The following MAPDA variants were observed in gnomAD, a reference collection of about 807,000 sequenced individuals.
MAPDA encodes the protein N6-Methyl-AMP deaminase.
At chr15:43,344,008 T>C in the MAPDA span, among the ~76,000 whole-genome samples, 1 of 151,942 alleles carries the variant, frequency 6.6e-6, no homozygotes, top group Non-Finnish European at 1.5e-5. Flanking sequence ...TTCAGTAGGC[T>C]AAAAAAAGTA....
chr15:43,351,830 C>T, the MAPDA span: 1 of 1,551,680 alleles, frequency 6.4e-7, no homozygotes, highest in Non-Finnish European at 8.7e-7. Flanking sequence ...TTGACCCAGT[C>T]TCAGGTGTGG....
chr15:43,344,996 T>C, the MAPDA span, among the ~76,000 whole-genome samples: 1 of 152,060 alleles, frequency 6.6e-6, no homozygotes, highest in African/African-American at 2.4e-5. Context: ...CACCACCAGT[T>C]TACTCTTGCC....
At chr15:43,338,146 A>G in the MAPDA span, among the ~76,000 whole-genome samples, 1 of 152,264 alleles carries the variant, frequency 6.6e-6, no homozygotes, top group Admixed American at 6.5e-5. Context: ...TCATTTCAAA[A>G]TGAAAGTTGA....
chr15:43,350,954 C>T, the MAPDA span: 1 of 1,551,374 alleles, frequency 6.4e-7, no homozygotes, highest in Admixed American at 2.0e-5. Flanking sequence ...TCTGTTTGAC[C>T]TCAAACGTCA....
the MAPDA span, chr15:43,351,858 C>T: frequency 1.3e-6 from 2 of 1,551,612 alleles, no homozygotes; most frequent in Non-Finnish European, 1.7e-6. Flanking sequence ...CTTATGAATC[C>T]ATCAACTACA....
chr15:43,330,482 G>C, the MAPDA span: 2 of 1,521,266 alleles, frequency 1.3e-6, no homozygotes, highest in Non-Finnish European at 1.8e-6. Flanking sequence ...ACGGCTCCGG[G>C]GGCCCATGGC....
At chr15:43,336,921 A>T in the MAPDA span, among the ~76,000 whole-genome samples, 1 of 152,220 alleles carries the variant, frequency 6.6e-6, no homozygotes, top group South Asian at 2.1e-4. Context: ...TATAGGATAG[A>T]GGATGATATG....
chr15:43,340,210 A>C, the MAPDA span: 6 of 1,504,784 alleles, frequency 4.0e-6, no homozygotes, highest in East Asian at 2.3e-5. Context: ...TGGCACATTC[A>C]TTGGGACCCT....
the MAPDA span, chr15:43,351,834 GGT>G: frequency 7.1e-6 from 11 of 1,551,562 alleles, no homozygotes; most frequent in African/African-American, 1.5e-4. Flanking sequence ...CCCAGTCTCA[GGT>G]GTGGGATCTG....
chr15:43,339,939 C>G, the MAPDA span, among the ~76,000 whole-genome samples: 1 of 152,114 alleles, frequency 6.6e-6, no homozygotes, highest in East Asian at 1.9e-4. Context: ...TTTAGTTTTG[C>G]ACCATTTCTC....
At chr15:43,347,763 T>G in the MAPDA span, among the ~76,000 whole-genome samples, 1 of 152,184 alleles carries the variant, frequency 6.6e-6, no homozygotes, top group Non-Finnish European at 1.5e-5. Flanking sequence ...AGTTATTGTA[T>G]TAAAGGGGTA....
chr15:43,339,620 G>A, the MAPDA span, among the ~76,000 whole-genome samples: 1 of 152,044 alleles, frequency 6.6e-6, no homozygotes, highest in Non-Finnish European at 1.5e-5. Flanking sequence ...AGATTTTTTA[G>A]GATTGAAGGC....
chr15:43,348,923 A>C, the MAPDA span: 3 of 1,613,960 alleles, frequency 1.9e-6, no homozygotes, highest in Non-Finnish European at 2.5e-6. Flanking sequence ...AACCAAAAAA[A>C]AGAAACACAA....
At chr15:43,349,822 T>G in the MAPDA span, among the ~76,000 whole-genome samples, 5 of 152,304 alleles carry the variant, frequency 3.3e-5, no homozygotes, top group Admixed American at 2.0e-4. Context: ...AAGGAAAATT[T>G]TAAATATCCA....
chr15:43,349,531 C>A, the MAPDA span: 1 of 189,010 alleles, frequency 5.3e-6, no homozygotes. Flanking sequence ...AGATTTCTTT[C>A]CCAAGAAACT....
At chr15:43,354,359 T>C in the MAPDA span, 5 of 152,220 alleles carry the variant, frequency 3.3e-5, no homozygotes, top group African/African-American at 1.2e-4. Flanking sequence ...TCTACCCTTA[T>C]CTACTCATAC....
At chr15:43,340,149 C>G in the MAPDA span, 1 of 907,922 alleles carries the variant, frequency 1.1e-6, no homozygotes, top group Non-Finnish European at 1.7e-6. Flanking sequence ...TGAGAAACTT[C>G]CAACATTACT....
the MAPDA span, chr15:43,346,987 G>C: frequency 1.3e-6 from 2 of 1,577,760 alleles, no homozygotes; most frequent in Admixed American, 3.4e-5. Context: ...GAATTCTCAT[G>C]CATCCTTATT....
chr15:43,334,663 A>ATATATATATATATATATATT, the MAPDA span, among the ~76,000 whole-genome samples: 1 of 125,364 alleles, frequency 8.0e-6, no homozygotes, highest in Non-Finnish European at 1.7e-5. Flanking sequence ...ATATATATAT[A>ATATATATATATATATATATT]TTTTATCCAA....
Sources: allele counts gnomAD v4.1 joint callset (sites outside exome capture counted in the v4.1 genomes callset), GRCh38; gene constraint gnomAD v4.1.1; transcripts MANE v1.5; gene names NCBI Gene and HGNC (gene_info 2026-07-23, HGNC 2026-07-21).